Variants in CHCT1 observed in about 807,000 individuals in gnomAD.
The protein encoded by CHCT1 is CHD1 helical C-terminal domain containing protein 1.
chr17:60,426,383 C>A, the CHCT1 span: 3 of 1,491,224 alleles, frequency 2.0e-6, no homozygotes, highest in East Asian at 2.5e-5. Context: ...TCCTGGGCAA[C>A]CCCCTCTTCA....
the CHCT1 span, chr17:60,421,678 G>A: frequency 1.2e-6 from 1 of 869,220 alleles, no homozygotes; most frequent in African/African-American, 1.8e-5. Flanking sequence ...CAGGGGCGAG[G>A]GTCCCGGGGC....
At chr17:60,421,302 A>T in the CHCT1 span, 9 of 902,716 alleles carry the variant, frequency 1.0e-5, no homozygotes, top group South Asian at 4.1e-4. Flanking sequence ...GCTGGCATAG[A>T]GGACAAGTTA....
At chr17:60,422,068 C>T in the CHCT1 span, among the ~76,000 whole-genome samples, 2 of 152,192 alleles carry the variant, frequency 1.3e-5, no homozygotes, top group African/African-American at 4.8e-5. Context: ...TTCCTGGAGG[C>T]CGCAGGGGCA....
At chr17:60,421,441 G>T in the CHCT1 span, 1 of 985,528 alleles carries the variant, frequency 1.0e-6, no homozygotes, top group Non-Finnish European at 1.2e-6. Flanking sequence ...CCGGGCCGAC[G>T]GCGGTCCCAC....
the CHCT1 span, chr17:60,426,583 T>C: frequency 1.1e-6 from 1 of 928,282 alleles, no homozygotes. Flanking sequence ...TCCCCACCCC[T>C]CCATTCCCCC....
chr17:60,426,943 G>T, the CHCT1 span: 2 of 1,485,380 alleles, frequency 1.3e-6, no homozygotes, highest in Admixed American at 4.1e-5. Context: ...CACTGCCAGG[G>T]CAAGACTCTG....
At chr17:60,423,867 A>C in the CHCT1 span, among the ~76,000 whole-genome samples, 3 of 152,212 alleles carry the variant, frequency 2.0e-5, no homozygotes, top group Non-Finnish European at 4.4e-5. Context: ...ATGGTTTATT[A>C]GTCCATTTTG....
the CHCT1 span, chr17:60,431,272 C>T: frequency 6.3e-6 from 10 of 1,591,912 alleles, no homozygotes; most frequent in African/African-American, 1.4e-5. Context: ...CGTAAGAAGA[C>T]CAACTGGGAC....
the CHCT1 span, chr17:60,422,449 T>C: frequency 6.6e-7 from 1 of 1,513,328 alleles, no homozygotes; most frequent in Non-Finnish European, 8.9e-7. Context: ...CTGGGTTCTG[T>C]GTTGGCGGTT....
At chr17:60,422,596 G>T in the CHCT1 span, 2 of 1,550,626 alleles carry the variant, frequency 1.3e-6, no homozygotes, top group African/African-American at 2.7e-5. Flanking sequence ...TGCTGAGATG[G>T]AGGCCTCAGA....
the CHCT1 span, chr17:60,429,231 C>T: frequency 1.0e-6 from 1 of 966,628 alleles, no homozygotes; most frequent in South Asian, 1.7e-5. Context: ...GATTCCTACC[C>T]CATCCTTTTG....
chr17:60,422,667 A>G, the CHCT1 span: 9 of 1,532,190 alleles, frequency 5.9e-6, no homozygotes, highest in Middle Eastern at 3.5e-4. Context: ...TGAGGGAGGG[A>G]GGGAAGGAGG....
At chr17:60,422,664 G>A in the CHCT1 span, 9 of 1,538,730 alleles carry the variant, frequency 5.8e-6, no homozygotes, top group South Asian at 1.1e-4. Context: ...GTGTGAGGGA[G>A]GGAGGGAAGG....
chr17:60,426,265 G>T, the CHCT1 span: 13 of 1,551,818 alleles, frequency 8.4e-6, no homozygotes, highest in Non-Finnish European at 1.1e-5. Context: ...AGAGCCTTGT[G>T]GTCCTAGGGG....
chr17:60,431,288 G>A, the CHCT1 span: 2 of 1,556,344 alleles, frequency 1.3e-6, no homozygotes, highest in Non-Finnish European at 8.8e-7. Flanking sequence ...GGGACAAAGG[G>A]CCCGCTTGTC....
At chr17:60,429,512 A>G in the CHCT1 span, 1 of 1,614,224 alleles carries the variant, frequency 6.2e-7, no homozygotes, top group Non-Finnish European at 8.5e-7. Context: ...AGGTCAAGGG[A>G]GCCCCCTGCC....
chr17:60,426,172 C>T, the CHCT1 span: 3 of 1,551,576 alleles, frequency 1.9e-6, no homozygotes, highest in African/African-American at 1.4e-5. Context: ...GTAAAGAATA[C>T]CTAAGACCGC....
At chr17:60,421,489 C>T in the CHCT1 span, 10 of 985,466 alleles carry the variant, frequency 1.0e-5, no homozygotes, top group Middle Eastern at 5.2e-4. Context: ...CAGGGCCACA[C>T]TGAGTGGGGA....
At chr17:60,425,943 A>G in the CHCT1 span, 3 of 1,440,214 alleles carry the variant, frequency 2.1e-6, no homozygotes, top group Non-Finnish European at 2.9e-6. Flanking sequence ...AGGAGGCCTG[A>G]GTCAGGAAAT....
Sources: allele counts gnomAD v4.1 joint callset (sites outside exome capture counted in the v4.1 genomes callset), GRCh38; gene constraint gnomAD v4.1.1; transcripts MANE v1.5; gene names NCBI Gene and HGNC (gene_info 2026-07-23, HGNC 2026-07-21).